ADARB2: variants seen among roughly 807,000 people sequenced by gnomAD.
ADARB2 encodes the protein adenosine deaminase RNA specific B2 (inactive), also known as inactive double-stranded RNA-specific editase B2.
A neutral mutation model predicts 62.2 loss-of-function variants in ADARB2; 25 were observed. The observed-to-expected ratio is 0.40, with a 90% CI of 0.29 to 0.56. The LOEUF (loss-of-function observed/expected upper bound fraction) is 0.56, where lower values mean the gene tolerates loss of function less well. ADARB2 is among the 20% of genes least tolerant of loss of function. ADARB2 has a pLI of 0.43. For missense variants in ADARB2, 1,071 were observed against 1,077.4 expected (o/e 0.99, Z 0.08); for synonymous variants, 572 against 500.8 (o/e 1.14, Z -1.90).
chr10:1,582,855 T>A (rs1278632894), intron 1 of ADARB2, among the ~76,000 whole-genome samples: 1 of 152,220 alleles, frequency 6.6e-6, no homozygotes, highest in Non-Finnish European at 1.5e-5. Flanking sequence ...ACTGATTTCA[T>A]AATCATGGTG....
intron 6 of ADARB2, among the ~76,000 whole-genome samples, chr10:1,225,199 T>C (rs1029489597): frequency 7.9e-5 from 12 of 152,224 alleles, no homozygotes; most frequent in African/African-American, 1.2e-4. Context: ...TTGATCTTCG[T>C]TGGTTTAAAG....
At chr10:1,332,756 G>A (rs1249231564) in intron 3 of ADARB2, among the ~76,000 whole-genome samples, 1 of 152,120 alleles carries the variant, frequency 6.6e-6, no homozygotes, top group African/African-American at 2.4e-5. Flanking sequence ...TGGTTAATTT[G>A]ATTAATTCAG....
At chr10:1,718,801 G>A (rs897417056) in intron 1 of ADARB2, among the ~76,000 whole-genome samples, 9 of 152,190 alleles carry the variant, frequency 5.9e-5, no homozygotes, top group African/African-American at 2.2e-4. Context: ...CTCCCAGGCA[G>A]GTTCTTGTGG....
chr10:1,683,720 A>C (rs760266160), intron 1 of ADARB2, among the ~76,000 whole-genome samples: 3 of 152,200 alleles, frequency 2.0e-5, no homozygotes, highest in Non-Finnish European at 4.4e-5. Flanking sequence ...ACCAAGATGG[A>C]TAGAAAGGAG....
At chr10:1,291,484 T>C (rs1197108354) in intron 3 of ADARB2, 1 of 152,314 alleles carries the variant, frequency 6.6e-6, no homozygotes, top group Non-Finnish European at 1.5e-5. Flanking sequence ...CTCTGGTCCA[T>C]GTTCCCTCCT....
At chr10:1,404,283 C>T (rs1315223516) in intron 1 of ADARB2, among the ~76,000 whole-genome samples, 4 of 152,296 alleles carry the variant, frequency 2.6e-5, no homozygotes, top group Middle Eastern at 3.4e-3. Flanking sequence ...GAACGGCTCA[C>T]GGGGGACCTC....
chr10:1,610,246 T>G (rs1588322586), intron 1 of ADARB2, among the ~76,000 whole-genome samples: 1 of 152,282 alleles, frequency 6.6e-6, no homozygotes, highest in South Asian at 2.1e-4. Flanking sequence ...GCAGTTCTGC[T>G]GCTCGCCTCC....
chr10:1,630,455 C>G (rs932482595), intron 1 of ADARB2, among the ~76,000 whole-genome samples: 1 of 152,064 alleles, frequency 6.6e-6, no homozygotes, highest in Admixed American at 6.5e-5. Context: ...TACCCTGTGC[C>G]CTGGTTACAG....
chr10:1,442,936 A>T (rs1037935609), intron 1 of ADARB2, among the ~76,000 whole-genome samples: 6 of 152,216 alleles, frequency 3.9e-5, no homozygotes, highest in Non-Finnish European at 8.8e-5. Flanking sequence ...AAGCGAGTTG[A>T]CTGTACTTAA....
intron 1 of ADARB2, among the ~76,000 whole-genome samples, chr10:1,433,190 G>C (rs990643262): frequency 7.9e-5 from 12 of 152,184 alleles, no homozygotes; most frequent in Non-Finnish European, 1.8e-4. Context: ...GCTTGAGAAA[G>C]AACACGGTGG....
At chr10:1,491,693 C>A (rs1049426885) in intron 1 of ADARB2, among the ~76,000 whole-genome samples, 2 of 152,180 alleles carry the variant, frequency 1.3e-5, no homozygotes, top group African/African-American at 4.8e-5. Context: ...CATAACCTAC[C>A]TTTCTTTATG....
intron 1 of ADARB2, among the ~76,000 whole-genome samples, chr10:1,651,938 G>T (rs569976708): frequency 6.6e-6 from 1 of 151,814 alleles, no homozygotes; most frequent in Non-Finnish European, 1.5e-5. Context: ...AAGATCCATC[G>T]AAAAGCATCA....
In ADARB2 at chr10:1,600,621, C is replaced by T. The variant is rs183606808; in HGVS notation, c.100+136430G>A. Among the ~76,000 whole-genome samples, 709 of 134,320 alleles carry T rather than the reference C, an allele frequency of 5.3e-3. 9 individuals are homozygous for T. Among genetic ancestry groups the T allele is most frequent in the Middle Eastern group, 0.018 (4 of 220 alleles). The allele number at this position is 134,320 out of a possible 152,430, so 88.1% of individuals were successfully genotyped here. On this transcript the variant is annotated intron_variant, in intron 1 of 9. Coordinates refer to ENST00000381312, the MANE Select transcript of ADARB2 (RefSeq NM_018702.4). ...AGGCTGCAATGAGCCGAAATTGCATCACTGCACCCCAGCCTGGGCAACAGA... is the reference window on the plus strand; with the variant it reads ...AGGCTGCAATGAGCCGAAATTGCATTACTGCACCCCAGCCTGGGCAACAGA...
At chr10:1,231,414 C>T (rs1027100812) in intron 6 of ADARB2, among the ~76,000 whole-genome samples, 1 of 152,202 alleles carries the variant, frequency 6.6e-6, no homozygotes, top group Non-Finnish European at 1.5e-5. Flanking sequence ...GTAGCTCTGG[C>T]TTGCTGAATA....
At chr10:1,414,391 A>G (rs757484888) in intron 1 of ADARB2, among the ~76,000 whole-genome samples, 1 of 152,220 alleles carries the variant, frequency 6.6e-6, no homozygotes, top group Non-Finnish European at 1.5e-5. Flanking sequence ...ACGTACCGTA[A>G]TCTAAGCCCA....
chr10:1,678,878 C>T (rs904806211), intron 1 of ADARB2, among the ~76,000 whole-genome samples: 1 of 152,016 alleles, frequency 6.6e-6, no homozygotes, highest in Non-Finnish European at 1.5e-5. Context: ...TTGTCTTGCC[C>T]ACCAGGTAAG....
At chr10:1,571,751 T>TAGGCAG (rs1832937827) in intron 1 of ADARB2, among the ~76,000 whole-genome samples, 2 of 142,548 alleles carry the variant, frequency 1.4e-5, no homozygotes, top group South Asian at 2.3e-4. Context: ...GACAGGTGAG[T>TAGGCAG]GTGCAGGTGA....
intron 6 of ADARB2, among the ~76,000 whole-genome samples, chr10:1,231,194 G>T (rs1589159218): frequency 6.6e-6 from 1 of 152,252 alleles, no homozygotes; most frequent in Admixed American, 6.5e-5. Flanking sequence ...CAAGGAAGAG[G>T]CTGGATAACT....
chr10:1,473,444 G>A (rs2131918579), intron 1 of ADARB2, among the ~76,000 whole-genome samples: 1 of 152,156 alleles, frequency 6.6e-6, no homozygotes. Context: ...GTGCAGTGGT[G>A]TGATGTCTCA....
Sources: allele counts gnomAD v4.1 joint callset (sites outside exome capture counted in the v4.1 genomes callset), GRCh38; gene constraint gnomAD v4.1.1; transcripts MANE v1.5; gene names NCBI Gene and HGNC (gene_info 2026-07-23, HGNC 2026-07-21).